Variants in PDE4D observed in about 807,000 individuals in gnomAD.
PDE4D encodes the protein phosphodiesterase 4D.
A neutral mutation model predicts 87.4 loss-of-function variants in PDE4D; 24 were observed. The ratio of observed to expected loss-of-function variants is 0.27; its 90% CI spans 0.20 to 0.39. PDE4D has a LOEUF of 0.39. Among genes scored for constraint, PDE4D ranks in the 10% least tolerant of loss-of-function variants. The pLI, the probability that PDE4D is intolerant of heterozygous loss-of-function variation, is 1.00. For synonymous variants in PDE4D, 384 were observed against 383.2 expected, an observed-to-expected ratio of 1.00 and a Z score of -0.02; for missense variants, 714 against 1,041.0, an observed-to-expected ratio of 0.69 and a Z score of 4.32.
At chr5:59,381,487 T>C (rs898952577) in intron 1 of PDE4D, among the ~76,000 whole-genome samples, 4 of 131,490 alleles carry the variant, frequency 3.0e-5, no homozygotes, top group Non-Finnish European at 5.0e-5. Context: ...GAAACATATA[T>C]CTTTTTTTGA....
chr5:59,584,518 C>G (rs995546155), intron 1 of PDE4D, among the ~76,000 whole-genome samples: 2 of 152,216 alleles, frequency 1.3e-5, no homozygotes, highest in African/African-American at 4.8e-5. Context: ...CTTCTCCATA[C>G]AGCTTTCAAA....
chr5:60,187,307 A>G (rs986289444), intron 1 of PDE4D, among the ~76,000 whole-genome samples: 1 of 152,190 alleles, frequency 6.6e-6, no homozygotes, highest in Non-Finnish European at 1.5e-5. Flanking sequence ...TTAGCATCCT[A>G]TAGGTCCCAG....
rs552078531 is a variant in PDE4D, at chr5:59,509,304, A to G, written c.456-293336T>C. On this transcript the variant is annotated intron_variant, in intron 1 of 14. Transcript: ENST00000340635. ...GCATACACAACAAAACTACCTTCCA[A>G]GTCTAAGCACAAAATAAGATAGTAA... Among the ~76,000 whole-genome samples the G allele has an allele frequency of 3.9e-5, 6 of 151,966 alleles. 1 individual carries two copies. The highest frequency in any genetic ancestry group is 1.2e-4 in the African/African-American group (5 of 41,540).
At chr5:59,330,374 G>A (rs541830773) in intron 1 of PDE4D, among the ~76,000 whole-genome samples, 1 of 152,042 alleles carries the variant, frequency 6.6e-6, no homozygotes, top group Admixed American at 6.6e-5. Flanking sequence ...GGACCCCATC[G>A]CTAAACTAGC....
intron 1 of PDE4D, among the ~76,000 whole-genome samples, chr5:60,303,553 C>T (rs1022281382): frequency 4.6e-5 from 7 of 152,002 alleles, no homozygotes; most frequent in Admixed American, 1.3e-4. Flanking sequence ...GTGATCCGCC[C>T]GTCTCGGCCT....
chr5:59,349,743 T>G (rs1780206946), intron 1 of PDE4D, among the ~76,000 whole-genome samples: 1 of 152,080 alleles, frequency 6.6e-6, no homozygotes, highest in Non-Finnish European at 1.5e-5. Context: ...GAGTGTCTTT[T>G]CTTCTTTTGT....
At chr5:59,760,966 T>C (rs1055497383) in intron 1 of PDE4D, among the ~76,000 whole-genome samples, 1 of 152,202 alleles carries the variant, frequency 6.6e-6, no homozygotes, top group African/African-American at 2.4e-5. Flanking sequence ...AGTTGTGCAT[T>C]GCTTATTCTA....
chr5:60,377,690 A>G (rs1761535596), intron 1 of PDE4D, among the ~76,000 whole-genome samples: 1 of 152,326 alleles, frequency 6.6e-6, no homozygotes, highest in East Asian at 1.9e-4. Context: ...GACTGTACCT[A>G]CCAGTAGTCA....
intron 5 of PDE4D, among the ~76,000 whole-genome samples, chr5:59,164,568 G>T (rs529700384): frequency 9.2e-5 from 14 of 152,270 alleles, no homozygotes; most frequent in African/African-American, 3.1e-4. Flanking sequence ...CTAACAAATA[G>T]TGCAGCCAGG....
intron 1 of PDE4D, among the ~76,000 whole-genome samples, chr5:59,535,553 C>G (rs1815045531): frequency 6.6e-6 from 1 of 152,108 alleles, no homozygotes; most frequent in Admixed American, 6.5e-5. Flanking sequence ...CAAGCTGATA[C>G]CTATTTGGGC....
intron 1 of PDE4D, among the ~76,000 whole-genome samples, chr5:59,425,822 C>T (rs559023532): frequency 3.5e-4 from 54 of 152,218 alleles, no homozygotes; most frequent in Middle Eastern, 3.4e-3. Context: ...GATTCACAGT[C>T]GGATTACTAT....
At chr5:59,615,695 G>C (rs1031722513) in intron 1 of PDE4D, among the ~76,000 whole-genome samples, 2 of 152,148 alleles carry the variant, frequency 1.3e-5, no homozygotes, top group Non-Finnish European at 2.9e-5. Context: ...AGTCTCAGTA[G>C]CTGGGGTAAT....
Position 59,153,681 on chromosome 5 carries a change from A to G in PDE4D, c.808+26914T>C, listed in dbSNP as rs1779756406. The stretch of plus-strand genomic sequence containing the variant: ...TATTGAACACAGGTAAGTTGGCATG[A>G]CAGTGCCCCAGAACCACACACTAGT... On this transcript the variant is annotated intron_variant, in intron 5 of 14. Coordinates refer to ENST00000340635, the MANE Select transcript of PDE4D (RefSeq NM_001104631.2). Among the ~76,000 whole-genome samples, 3 of 152,130 alleles carry G rather than the reference A, an allele frequency of 2.0e-5. No homozygotes were observed. In the South Asian group the frequency reaches 6.2e-4, roughly 32 times the overall value.
At chr5:59,239,760 T>G (rs1337638986) in intron 1 of PDE4D, among the ~76,000 whole-genome samples, 1 of 152,132 alleles carries the variant, frequency 6.6e-6, no homozygotes, top group Non-Finnish European at 1.5e-5. Context: ...TACATGCACT[T>G]TGAAATCAGA....
At chr5:60,416,024 G>A (rs1742506598) in intron 1 of PDE4D, among the ~76,000 whole-genome samples, 1 of 152,150 alleles carries the variant, frequency 6.6e-6, no homozygotes, top group South Asian at 2.1e-4. Context: ...GCACCAATCA[G>A]CACTCTGTAT....
intron 1 of PDE4D, among the ~76,000 whole-genome samples, chr5:60,347,185 T>C (rs541775263): frequency 2.8e-4 from 43 of 152,150 alleles, no homozygotes; most frequent in African/African-American, 8.7e-4. Flanking sequence ...AACTGAATGA[T>C]GCATAAGAGC....
intron 1 of PDE4D, among the ~76,000 whole-genome samples, chr5:59,693,942 A>G (rs548737222): frequency 6.6e-6 from 1 of 152,286 alleles, no homozygotes; most frequent in South Asian, 2.1e-4. Context: ...ATAAGACATC[A>G]AAGGTTGATG....
rs116340153 is a variant in PDE4D, at chr5:59,647,842, A to T, written c.455+245326T>A. Among the ~76,000 whole-genome samples the T allele has an allele frequency of 2.4e-4, 36 of 152,320 alleles. 1 individual carries two copies. The highest frequency in any genetic ancestry group is 8.2e-4 in the African/African-American group (34 of 41,596). On this transcript the variant is annotated intron_variant, in intron 1 of 14. Coordinates refer to ENST00000340635, the MANE Select transcript of PDE4D (RefSeq NM_001104631.2). ...ACTGAATGGAACTATTAAACACATA[A>T]CTTATTCATATGATTTTATTTTTAT...
At chr5:59,104,622 A>G (rs1245561231) in intron 5 of PDE4D, among the ~76,000 whole-genome samples, 1 of 152,172 alleles carries the variant, frequency 6.6e-6, no homozygotes, top group South Asian at 2.1e-4. Context: ...AGTAAGTAGA[A>G]AAAGAATTAC....
Sources: allele counts gnomAD v4.1 joint callset (sites outside exome capture counted in the v4.1 genomes callset), GRCh38; gene constraint gnomAD v4.1.1; transcripts MANE v1.5; gene names NCBI Gene and HGNC (gene_info 2026-07-23, HGNC 2026-07-21).